DLC1: variants seen among roughly 807,000 people sequenced by gnomAD.
DLC1 encodes DLC1 Rho GTPase activating protein, also known as rho GTPase-activating protein 7.
Under a neutral mutation model 140.3 loss-of-function variants are expected in DLC1, and 54 were observed. That is an observed-to-expected ratio of 0.38 (90% confidence interval 0.31 to 0.48). The LOEUF (loss-of-function observed/expected upper bound fraction) is 0.48. DLC1 is among the 20% of genes least tolerant of loss of function. The probability of loss-of-function intolerance (pLI) is 0.96; values close to 1 mark genes in which losing one functional copy is unlikely to be tolerated. For synonymous variants in DLC1, 986 were observed against 728.1 expected, an observed-to-expected ratio of 1.35 and a Z score of -5.70; for missense variants, 2,536 against 1,907.0, an observed-to-expected ratio of 1.33 and a Z score of -6.14.
chr8:13,489,446 C>A (rs1487706160), intron 2 of DLC1, among the ~76,000 whole-genome samples: 1 of 150,076 alleles, frequency 6.7e-6, no homozygotes, highest in African/African-American at 2.5e-5. Flanking sequence ...CACACACACA[C>A]ACAAAATGTT....
At chr8:13,327,393 A>C (rs1266691350) in intron 4 of DLC1, among the ~76,000 whole-genome samples, 1 of 151,640 alleles carries the variant, frequency 6.6e-6, no homozygotes, top group Non-Finnish European at 1.5e-5. Context: ...AAATAATGCA[A>C]TTACATTTTG....
intron 5 of DLC1, among the ~76,000 whole-genome samples, chr8:13,234,800 T>C (rs574719943): frequency 6.6e-6 from 1 of 152,204 alleles, no homozygotes; most frequent in South Asian, 2.1e-4. Flanking sequence ...TTGGTGGGGA[T>C]TATTTTTGGT....
chr8:13,555,503 T>G (rs1311828334), intron 1 of DLC1, among the ~76,000 whole-genome samples: 1 of 152,118 alleles, frequency 6.6e-6, no homozygotes, highest in African/African-American at 2.4e-5. Flanking sequence ...AAATTTTTTA[T>G]TTTTTTGAGA....
intron 4 of DLC1, among the ~76,000 whole-genome samples, chr8:13,348,772 G>A (rs1343182795): frequency 1.3e-5 from 2 of 152,198 alleles, no homozygotes; most frequent in African/African-American, 4.8e-5. Flanking sequence ...AGACACAGAT[G>A]TAATGCAAAC....
At chr8:13,097,137 T>C (rs1178639409) in intron 10 of DLC1, among the ~76,000 whole-genome samples, 1 of 152,166 alleles carries the variant, frequency 6.6e-6, no homozygotes, top group Non-Finnish European at 1.5e-5. Context: ...CTATAATATG[T>C]TAGAGTAGTG....
intron 5 of DLC1, among the ~76,000 whole-genome samples, chr8:13,168,391 C>A (rs190141207): frequency 1.8e-4 from 27 of 152,242 alleles, no homozygotes; most frequent in Admixed American, 5.2e-4. Flanking sequence ...TTCCTCATAT[C>A]ATCATGTGTC....
At chr8:13,127,513 T>G (rs1411104096) in intron 5 of DLC1, among the ~76,000 whole-genome samples, 1 of 152,258 alleles carries the variant, frequency 6.6e-6, no homozygotes, top group African/African-American at 2.4e-5. Context: ...GTATGGAGAT[T>G]GGATCCCTTA....
intron 5 of DLC1, among the ~76,000 whole-genome samples, chr8:13,133,627 G>T (rs1164238756): frequency 6.8e-6 from 1 of 146,894 alleles, no homozygotes; most frequent in African/African-American, 2.5e-5. Context: ...GGGAAGCGCC[G>T]AAAAGTCGCC....
intron 5 of DLC1, chr8:13,132,843 G>C: frequency 5.0e-6 from 7 of 1,404,766 alleles, no homozygotes; most frequent in Non-Finnish European, 6.9e-6. Flanking sequence ...GCACAGAACA[G>C]GCACCGACTT....
chr8:13,119,240 A>G (rs924904062), intron 5 of DLC1, among the ~76,000 whole-genome samples: 3 of 151,838 alleles, frequency 2.0e-5, no homozygotes, highest in Admixed American at 2.0e-4. Flanking sequence ...AAAAAAAAAA[A>G]AAAAAAATAG....
intron 5 of DLC1, among the ~76,000 whole-genome samples, chr8:13,168,899 G>A (rs967824081): frequency 2.0e-5 from 3 of 152,194 alleles, no homozygotes; most frequent in Non-Finnish European, 4.4e-5. Flanking sequence ...TCCTGATGGT[G>A]ACCCTGTGGT....
At chr8:13,184,660 G>A (rs190430293) in intron 5 of DLC1, among the ~76,000 whole-genome samples, 24 of 152,336 alleles carry the variant, frequency 1.6e-4, no homozygotes, top group Admixed American at 1.2e-3. Flanking sequence ...TGTGGTCTGA[G>A]AGACAGTTTG....
intron 3 of DLC1, among the ~76,000 whole-genome samples, chr8:13,398,399 G>T (rs1837144987): frequency 6.6e-6 from 1 of 152,088 alleles, no homozygotes; most frequent in South Asian, 2.1e-4. Flanking sequence ...GTGAGAGACT[G>T]CACTGGCACT....
chr8:13,259,909 A>G (rs1235582589), intron 5 of DLC1, among the ~76,000 whole-genome samples: 1 of 152,240 alleles, frequency 6.6e-6, no homozygotes, highest in Non-Finnish European at 1.5e-5. Flanking sequence ...AAACTTAAAA[A>G]AATCAGTAAG....
chr8:13,278,335 G>T (rs1831248126), intron 5 of DLC1, among the ~76,000 whole-genome samples: 1 of 152,172 alleles, frequency 6.6e-6, no homozygotes, highest in South Asian at 2.1e-4. Context: ...CTTCAAAGAG[G>T]TCTGGGCACC....
intron 1 of DLC1, among the ~76,000 whole-genome samples, chr8:13,563,283 A>G (rs1215304820): frequency 6.6e-6 from 1 of 152,188 alleles, no homozygotes; most frequent in African/African-American, 2.4e-5. Flanking sequence ...ACACAGAATA[A>G]TTATTAGATG....
At chr8:13,342,816 A>T (rs1253040522) in intron 4 of DLC1, 2 of 144,500 alleles carry the variant, frequency 1.4e-5, no homozygotes, top group Non-Finnish European at 3.0e-5. Flanking sequence ...CTTTGCCTCC[A>T]ACATATCCAT....
At chr8:13,377,422 T>C (rs1203211466) in intron 4 of DLC1, among the ~76,000 whole-genome samples, 1 of 152,188 alleles carries the variant, frequency 6.6e-6, no homozygotes, top group Non-Finnish European at 1.5e-5. Context: ...GTCTGCTTTG[T>C]TGTAAGGAGG....
chr8:13,477,914 A>G (rs1344955741), intron 2 of DLC1, among the ~76,000 whole-genome samples: 3 of 152,228 alleles, frequency 2.0e-5, no homozygotes, highest in African/African-American at 7.2e-5. Context: ...GATTCAGGTA[A>G]TACCAATAAC....
Sources: gnomAD v4.1 joint callset for allele counts (sites outside exome capture counted in the v4.1 genomes callset) on GRCh38, gnomAD v4.1.1 for gene constraint, MANE v1.5 for transcripts, NCBI Gene and HGNC (gene_info 2026-07-23, HGNC 2026-07-21) for gene names.